Variants in CDH4 observed in about 807,000 individuals in gnomAD.
CDH4 encodes cadherin 4.
A neutral mutation model predicts 86.0 loss-of-function variants in CDH4; 33 were observed. That is an observed-to-expected ratio of 0.38 (90% CI 0.29 to 0.51). The LOEUF is 0.51. Among genes scored for constraint, CDH4 ranks in the 20% least tolerant of loss-of-function variants. The pLI is 0.86. For synonymous variants in CDH4, 555 were observed against 549.4 expected (o/e 1.01, Z -0.14); for missense variants, 1,114 against 1,307.4 (o/e 0.85, Z 2.28).
At chr20:61,345,032 C>T (rs902647205) in intron 2 of CDH4, among the ~76,000 whole-genome samples, 1 of 152,208 alleles carries the variant, frequency 6.6e-6, no homozygotes, top group African/African-American at 2.4e-5. Flanking sequence ...GGTAGAGCTA[C>T]TTATGCGCAG....
At chr20:61,924,600 G>C (rs2236069) in intron 11 of CDH4, 124 bp downstream of exon 11, 476,022 of 1,058,044 alleles carry the variant, frequency 0.45, 109,048 homozygotes, top group African/African-American at 0.48. Context: ...GGGTCACCCA[G>C]AGGGGCTGAG....
chr20:61,450,118 A>G (rs2085371858), intron 2 of CDH4, among the ~76,000 whole-genome samples: 1 of 152,220 alleles, frequency 6.6e-6, no homozygotes, highest in Non-Finnish European at 1.5e-5. Flanking sequence ...TACAATCAAA[A>G]CTATCTTAGT....
rs573750760 is a variant in CDH4 at position 61,502,000 on chromosome 20, G to A, written c.170-241563G>A. Among the ~76,000 whole-genome samples, 19 of 152,132 alleles carry A rather than the reference G, an allele frequency of 1.2e-4. No individual in the cohort carries two copies. Among genetic ancestry groups the A allele is most frequent in the African/African-American group, 1.2e-4 (5 of 41,476 alleles). On this transcript the variant is annotated intron_variant, in intron 2 of 15. Coordinates refer to ENST00000614565, the MANE Select transcript of CDH4 (RefSeq NM_001794.5). This position sits in a 1 kb window ranked among gnomAD's most constrained non-coding sequence, Gnocchi z 4.2. Reference sequence around the variant, plus strand: ...CAGGCCGTTACCCTTTAGTGGGCGCGTGAGGGCTGTGGGTCACAGTTTCCA... The same window carrying A: ...CAGGCCGTTACCCTTTAGTGGGCGCATGAGGGCTGTGGGTCACAGTTTCCA...
At chr20:61,513,008 A>G (rs1243487365) in intron 2 of CDH4, among the ~76,000 whole-genome samples, 1 of 152,204 alleles carries the variant, frequency 6.6e-6, no homozygotes, top group East Asian at 1.9e-4. Context: ...TCCATTTTCA[A>G]AGCACATGTG....
In CDH4 at chr20:61,582,714, C is replaced by T. The variant is rs2145720893; in HGVS notation, c.170-160849C>T. Among the ~76,000 whole-genome samples the T allele has an allele frequency of 6.6e-6, 1 of 152,322 alleles. No homozygotes were observed. Among genetic ancestry groups the T allele is most frequent in the Admixed American group, 6.5e-5 (1 of 15,308 alleles). ...GGACACAAGCCAGCCCTGCAGGCTCCACTTCTCCCCAGATGTCCTGTTGGT... is the reference window on the plus strand; with the variant it reads ...GGACACAAGCCAGCCCTGCAGGCTCTACTTCTCCCCAGATGTCCTGTTGGT... On this transcript the variant is annotated intron_variant, in intron 2 of 15. Coordinates refer to ENST00000614565, the MANE Select transcript of CDH4 (RefSeq NM_001794.5). The surrounding 1 kb of genome is among the most constrained non-coding windows in gnomAD (Gnocchi z 4.2).
intron 2 of CDH4, among the ~76,000 whole-genome samples, chr20:61,551,738 A>C (rs2086131452): frequency 6.6e-6 from 1 of 152,212 alleles, no homozygotes. Flanking sequence ...ATTTACTAGA[A>C]AGCTAGTGTG....
chr20:61,569,747 G>T (rs2086328121), intron 2 of CDH4, among the ~76,000 whole-genome samples: 1 of 152,076 alleles, frequency 6.6e-6, no homozygotes, highest in South Asian at 2.1e-4. Flanking sequence ...CATTGCATTT[G>T]CTGTCACGCC....
At chr20:61,387,965 T>C (rs1353698631) in intron 2 of CDH4, among the ~76,000 whole-genome samples, 1 of 152,098 alleles carries the variant, frequency 6.6e-6, no homozygotes, top group African/African-American at 2.4e-5. Context: ...AGCTAAAAGG[T>C]ATCTCTATTT....
intron 1 of CDH4, among the ~76,000 whole-genome samples, chr20:61,253,369 C>T (rs1390260973): frequency 6.6e-6 from 1 of 151,886 alleles, no homozygotes; most frequent in African/African-American, 2.4e-5. Context: ...GCGAGGTGCG[C>T]GGCCCGCGGG....
intron 3 of CDH4, among the ~76,000 whole-genome samples, chr20:61,758,795 G>C (rs1352188143): frequency 1.3e-5 from 2 of 152,196 alleles, no homozygotes; most frequent in East Asian, 3.9e-4. Flanking sequence ...GCCTGTGCAG[G>C]CTGGGAGCTG....
At chr20:61,463,241 G>T (rs146951499) in intron 2 of CDH4, among the ~76,000 whole-genome samples, 1 of 152,160 alleles carries the variant, frequency 6.6e-6, no homozygotes. Flanking sequence ...CCAGTTTCTG[G>T]TATGTCTTTA....
At chr20:61,457,327 G>T (rs902166265) in intron 2 of CDH4, among the ~76,000 whole-genome samples, 6 of 152,180 alleles carry the variant, frequency 3.9e-5, no homozygotes, top group African/African-American at 1.4e-4. Context: ...TGGCTTGTTG[G>T]ATCCTCCTTC....
chr20:61,815,255 C>A (rs888112096), intron 4 of CDH4, among the ~76,000 whole-genome samples: 1 of 152,176 alleles, frequency 6.6e-6, no homozygotes, highest in Non-Finnish European at 1.5e-5. Flanking sequence ...ACACATCCAG[C>A]CACGAAAAGC....
At chr20:61,797,900 G>C (rs993231040) in intron 4 of CDH4, among the ~76,000 whole-genome samples, 3 of 152,250 alleles carry the variant, frequency 2.0e-5, no homozygotes, top group African/African-American at 7.2e-5. Context: ...GGGCATGGCT[G>C]CAGGACACGG....
intron 2 of CDH4, among the ~76,000 whole-genome samples, chr20:61,661,492 TA>T (rs11474512): frequency 1.3e-5 from 2 of 150,086 alleles, no homozygotes; most frequent in African/African-American, 4.9e-5. Flanking sequence ...TTTTTTTTTT[TA>T]ACACTCATAC....
chr20:61,744,942 G>C (rs796077218), intron 3 of CDH4, among the ~76,000 whole-genome samples: 51 of 152,336 alleles, frequency 3.3e-4, no homozygotes, highest in African/African-American at 1.2e-3. Flanking sequence ...GCAACCAGGC[G>C]GCCTGTGGGA....
At position 61,838,144 on chromosome 20, in the gene CDH4, GT is replaced by G. The variant is rs879854939; in HGVS notation, c.577-6523del. Among the ~76,000 whole-genome samples the G allele has an allele frequency of 9.1e-3, 442 of 48,516 alleles. 1 individual carries two copies. The highest frequency in any genetic ancestry group is 0.028 in the Non-Finnish European group (305 of 10,866). The allele number at this position is 48,516 out of a possible 152,430, so 31.8% of individuals were successfully genotyped here. A position where few individuals can be genotyped will look rare whatever the true frequency, so the allele number is the denominator to read the frequency against. ...GGTGACTGGGGCCGTCTACCTGCCT[GT>G]CTGCCTGTCTGCCTGTCTGCCTGTC... On this transcript the variant is annotated intron_variant, in intron 4 of 15. Transcript: ENST00000614565.
At chr20:61,687,678 C>T (rs73915327) in intron 2 of CDH4, among the ~76,000 whole-genome samples, 27 of 152,280 alleles carry the variant, frequency 1.8e-4, no homozygotes, top group African/African-American at 6.0e-4. Context: ...GTAAATGATT[C>T]GGAAATTCCT....
At chr20:61,406,287 T>C (rs1046222808) in intron 2 of CDH4, among the ~76,000 whole-genome samples, 1 of 150,958 alleles carries the variant, frequency 6.6e-6, no homozygotes, top group Non-Finnish European at 1.5e-5. Flanking sequence ...CCATCTGCTC[T>C]GCCCGGACCA....
Sources: gnomAD v4.1 joint callset for allele counts (sites outside exome capture counted in the v4.1 genomes callset) on GRCh38, gnomAD v4.1.1 for gene constraint, Gnocchi (gnomAD v3.1) non-coding constraint, MANE v1.5 for transcripts, NCBI Gene and HGNC (gene_info 2026-07-23, HGNC 2026-07-21) for gene names.